The following PCDH15 variants were observed in gnomAD, a reference collection of about 807,000 sequenced individuals.
PCDH15 encodes protocadherin related 15, also known as protocadherin-15.
A neutral mutation model predicts 178.5 loss-of-function variants in PCDH15; 129 were observed. That is an observed-to-expected ratio of 0.72 (90% CI 0.63 to 0.84). The LOEUF (loss-of-function observed/expected upper bound fraction) is 0.84. Ranked by LOEUF, PCDH15 falls within the 40% of genes least tolerant of loss-of-function variation. The pLI, the probability that PCDH15 is intolerant of heterozygous loss-of-function variation, is 0.00. For synonymous variants in PCDH15, 800 were observed against 732.0 expected (o/e 1.09, Z -1.50); for missense variants, 2,230 against 2,099.9 (o/e 1.06, Z -1.21).
intron 16 of PCDH15, among the ~76,000 whole-genome samples, chr10:54,086,022 T>C (rs1298021639): frequency 6.6e-6 from 1 of 152,110 alleles, no homozygotes; most frequent in African/African-American, 2.4e-5. Context: ...AGGTAGAACA[T>C]TGTTTATTTT....
chr10:55,063,597 G>A (rs1219456372), intron 2 of PCDH15, among the ~76,000 whole-genome samples: 3 of 152,052 alleles, frequency 2.0e-5, no homozygotes, highest in African/African-American at 7.2e-5. Context: ...GTGCATGTTT[G>A]TATGTATTTC....
intron 26 of PCDH15, among the ~76,000 whole-genome samples, chr10:53,882,638 C>A (rs1250497303): frequency 1.3e-5 from 2 of 152,182 alleles, no homozygotes; most frequent in African/African-American, 4.8e-5. Context: ...GCTGGGATTA[C>A]AGGTGTGAGC....
At chr10:54,985,395 T>G (rs1220807756) in intron 2 of PCDH15, among the ~76,000 whole-genome samples, 2 of 152,204 alleles carry the variant, frequency 1.3e-5, no homozygotes, top group Non-Finnish European at 2.9e-5. Context: ...GTAGTATAGA[T>G]GCTCCTTGAC....
rs184004369 is a variant in PCDH15, at chr10:54,467,982, T to C, written c.157+59830A>G. ...GGTTATTCGTAATCGTCTCTGGTGA[T>C]CTCTTGTATTTCAGTGCTATCAGTT... On this transcript the variant is annotated intron_variant, in intron 3 of 37. Coordinates refer to ENST00000644397, the MANE Select transcript of PCDH15 (RefSeq NM_001384140.1). Among the ~76,000 whole-genome samples the C allele has an allele frequency of 2.0e-5, 3 of 152,132 alleles. No homozygotes were observed. The East Asian group carries it at 5.8e-4, about 29-fold the overall frequency.
At chr10:53,965,520 T>A (rs1564879814) in intron 21 of PCDH15, among the ~76,000 whole-genome samples, 2 of 152,314 alleles carry the variant, frequency 1.3e-5, no homozygotes, top group East Asian at 3.9e-4. Flanking sequence ...CAGTACTATC[T>A]TAAAGGCAAT....
chr10:54,251,467 G>A (rs777942847), intron 8 of PCDH15, among the ~76,000 whole-genome samples: 21 of 151,974 alleles, frequency 1.4e-4, no homozygotes, highest in Admixed American at 6.6e-4. Context: ...TCTGATCTTC[G>A]TTGCTTTATT....
At chr10:54,000,191 T>G (rs2134988622) in intron 20 of PCDH15, among the ~76,000 whole-genome samples, 1 of 152,288 alleles carries the variant, frequency 6.6e-6, no homozygotes, top group East Asian at 1.9e-4. Flanking sequence ...TTCAAATACC[T>G]GAAAAGCTTT....
intron 2 of PCDH15, among the ~76,000 whole-genome samples, chr10:55,408,344 C>A (rs367794448): frequency 6.6e-6 from 1 of 151,924 alleles, no homozygotes; most frequent in East Asian, 1.9e-4. Flanking sequence ...TGCCACCACG[C>A]CCTACTATTT....
At chr10:53,847,877 T>C (rs770798887) in intron 28 of PCDH15, among the ~76,000 whole-genome samples, 116 of 152,254 alleles carry the variant, frequency 7.6e-4, no homozygotes, top group Admixed American at 1.4e-3. Context: ...CATTGTAAAC[T>C]ACTTCTGTTT....
intron 1 of PCDH15, among the ~76,000 whole-genome samples, chr10:54,763,343 G>A (rs1171184806): frequency 6.6e-6 from 1 of 152,102 alleles, no homozygotes; most frequent in African/African-American, 2.4e-5. Context: ...GAGACACTAA[G>A]AATACAGATG....
chr10:53,846,233 T>C (rs2077970847), intron 28 of PCDH15, among the ~76,000 whole-genome samples: 1 of 151,824 alleles, frequency 6.6e-6, no homozygotes, highest in Admixed American at 6.6e-5. Flanking sequence ...GTGAAAAATA[T>C]GTTAATAAAT....
At chr10:55,427,926 A>G (rs1358518747) in intron 2 of PCDH15, among the ~76,000 whole-genome samples, 1 of 152,128 alleles carries the variant, frequency 6.6e-6, no homozygotes. Context: ...TAAGGTTATG[A>G]TCTATTTAAA....
chr10:54,537,973 G>A (rs1254928153), intron 2 of PCDH15, among the ~76,000 whole-genome samples: 1 of 152,052 alleles, frequency 6.6e-6, no homozygotes, highest in African/African-American at 2.4e-5. Flanking sequence ...TTTGGTTTAT[G>A]TTTGTTAAAT....
chr10:54,069,044 A>T (rs79553693), intron 17 of PCDH15, among the ~76,000 whole-genome samples: 1,998 of 152,318 alleles, frequency 0.013, 44 homozygotes, highest in African/African-American at 0.046. Flanking sequence ...TTCATGACAA[A>T]AAGTATTTTA....
At chr10:55,223,411 T>G (rs1840940390) in intron 1 of PCDH15, among the ~76,000 whole-genome samples, 2 of 152,274 alleles carry the variant, frequency 1.3e-5, no homozygotes, top group South Asian at 4.1e-4. Flanking sequence ...TTTTGGTTTG[T>G]TTTGTACTCC....
chr10:54,527,824 C>T lies in PCDH15; in HGVS notation c.145G>A (p.Glu49Lys), dbSNP rs1168400018. The change falls in exon 3 of 38, where the codon GAA (glutamate) becomes AAA (lysine). Residue 49 changes from glutamate to lysine, a missense_variant. Transcript: ENST00000644397. ...PPATIVAIDE[E>K]SRNGTILVDN... ...AAAACTCACTTACCATTCCGACTTT[C>T]TTCATCAATAGCAACTATGGTAGCT... 3.7e-6 allele frequency: 6 copies of T among 1,610,332 alleles called. No individual in the cohort carries two copies. The highest frequency in any genetic ancestry group is 5.1e-6 in the Non-Finnish European group (6 of 1,177,528).
intron 1 of PCDH15, among the ~76,000 whole-genome samples, chr10:55,198,029 G>C (rs1411748740): frequency 2.6e-5 from 4 of 152,218 alleles, no homozygotes; most frequent in Admixed American, 2.6e-4. Context: ...TTCTGCCTCA[G>C]GAGGTAGAAA....
At chr10:55,311,167 C>G (rs900252223) in intron 1 of PCDH15, among the ~76,000 whole-genome samples, 7 of 152,160 alleles carry the variant, frequency 4.6e-5, no homozygotes, top group Admixed American at 4.6e-4. Flanking sequence ...AGAATCAGTT[C>G]TATCAGATTT....
At chr10:54,759,982 G>A (rs1295865539) in intron 1 of PCDH15, among the ~76,000 whole-genome samples, 3 of 152,116 alleles carry the variant, frequency 2.0e-5, no homozygotes, top group South Asian at 2.1e-4. Context: ...TGTATAGGGC[G>A]AGTAAGAGTA....
Sources: allele counts gnomAD v4.1 joint callset (sites outside exome capture counted in the v4.1 genomes callset), GRCh38; gene constraint gnomAD v4.1.1; transcripts MANE v1.5; gene names NCBI Gene and HGNC (gene_info 2026-07-23, HGNC 2026-07-21).